The following FAM47E variants were observed in gnomAD, a reference collection of about 807,000 sequenced individuals.
FAM47E encodes the protein family with sequence similarity 47 member E, also known as protein FAM47E.
A neutral mutation model predicts 41.6 loss-of-function variants in FAM47E; 32 were observed. That is an observed-to-expected ratio of 0.77 (90% CI 0.58 to 1.03). The LOEUF (loss-of-function observed/expected upper bound fraction) is 1.03, where lower values mean the gene tolerates loss of function less well. Among genes scored for constraint, FAM47E ranks in the 50% least tolerant of loss-of-function variants. The pLI is 0.00. For missense variants in FAM47E, 424 were observed against 485.4 expected, an observed-to-expected ratio of 0.87 and a Z score of 1.19; for synonymous variants, 184 against 188.7, an observed-to-expected ratio of 0.98 and a Z score of 0.20.
upstream of FAM47E, chr4:76,251,706 A>G: frequency 6.9e-7 from 1 of 1,442,396 alleles, no homozygotes; most frequent in Admixed American, 2.7e-5. Context: ...GGGCACACAC[A>G]CCGCCCAAGC....
chr4:76,247,949 C>A (rs1733866015), upstream of FAM47E, among the ~76,000 whole-genome samples: 1 of 108,700 alleles, frequency 9.2e-6, no homozygotes, highest in African/African-American at 3.4e-5. Flanking sequence ...GAGTCTTGCT[C>A]TATCACCCAG....
rs1318158749 is a variant in FAM47E at position 76,283,680 on chromosome 4, G to A, written c.*222G>A. 4.7e-6 allele frequency: 2 copies of A among 427,632 alleles called. No individual in the cohort carries two copies. Among genetic ancestry groups the A allele is most frequent in the Non-Finnish European group, 8.5e-6 (2 of 235,548 alleles). 26.5% of individuals were successfully genotyped at this position (427,632 alleles called of 1,614,324 possible). On this transcript the variant is annotated 3_prime_UTR_variant, in exon 8 of 8. Coordinates refer to ENST00000424749, the MANE Select transcript of FAM47E (RefSeq NM_001136570.3). ...ATTTTGTATACTTTATCACCCATGA[G>A]ATCAATATTCACATGTAATCTTCTC...
At chr4:76,275,517 G>A (rs185004111) in intron 5 of FAM47E, among the ~76,000 whole-genome samples, 23 of 152,254 alleles carry the variant, frequency 1.5e-4, no homozygotes, top group Middle Eastern at 6.8e-3. Context: ...AAAAGTGCTG[G>A]GAACAAGTGA....
At chr4:76,236,745 C>A (rs1733593250) in intron 2 of FAM47E, 1 of 151,958 alleles carries the variant, frequency 6.6e-6, no homozygotes, top group Non-Finnish European at 1.5e-5. Flanking sequence ...TTCTGGTTGA[C>A]AATTGGTTGA....
chr4:76,247,757 T>G (rs1733858194), upstream of FAM47E, among the ~76,000 whole-genome samples: 1 of 152,118 alleles, frequency 6.6e-6, no homozygotes, highest in Admixed American at 6.5e-5. Context: ...TAGGGAAATA[T>G]CTATTCAAAT....
intron 2 of FAM47E, among the ~76,000 whole-genome samples, chr4:76,237,265 C>T (rs1407800575): frequency 1.3e-5 from 2 of 151,828 alleles, no homozygotes; most frequent in African/African-American, 4.8e-5. Flanking sequence ...GAGGTATGCC[C>T]AACCCCACTT....
chr4:76,223,833 G>T (rs781752663), intron 2 of FAM47E, among the ~76,000 whole-genome samples: 6 of 150,976 alleles, frequency 4.0e-5, no homozygotes, highest in Non-Finnish European at 8.8e-5. Flanking sequence ...AGTGTCCCTG[G>T]CCTGCTTTCC....
chr4:76,281,959 G>A (rs1374800489), intron 7 of FAM47E: 3 of 152,178 alleles, frequency 2.0e-5, no homozygotes, highest in African/African-American at 7.2e-5. Flanking sequence ...GTGAGGGCGG[G>A]GGTAGGTTAG....
chr4:76,240,517 A>G (rs886860982), intron 2 of FAM47E, among the ~76,000 whole-genome samples: 2 of 152,114 alleles, frequency 1.3e-5, no homozygotes, highest in East Asian at 3.8e-4. Flanking sequence ...AGGACTCCCC[A>G]TAAAGCCTGT....
intron 2 of FAM47E, among the ~76,000 whole-genome samples, chr4:76,225,597 GC>G (rs1733383411): frequency 6.6e-6 from 1 of 152,208 alleles, no homozygotes; most frequent in Non-Finnish European, 1.5e-5. Context: ...TAATCATAAA[GC>G]GATGCTGGAT....
chr4:76,245,010 C>G (rs1246447220), intron 2 of FAM47E, among the ~76,000 whole-genome samples: 1 of 152,144 alleles, frequency 6.6e-6, no homozygotes, highest in Non-Finnish European at 1.5e-5. Context: ...TCTATCTAGA[C>G]TATTGCTTCT....
rs557766898 is a variant in FAM47E at position 76,264,565 on chromosome 4, G to C, written c.560+722G>C. ...CATAAACGCAGTGATAAGTTTACTG[G>C]ACACAAATAGATTTGGGATACACAT... On this transcript the variant is annotated intron_variant, in intron 3 of 7. Coordinates refer to ENST00000424749, the MANE Select transcript of FAM47E (RefSeq NM_001136570.3). Among the ~76,000 whole-genome samples, 388 of 152,016 alleles carry C rather than the reference G, an allele frequency of 2.6e-3. 1 individual carries two copies. Among genetic ancestry groups the C allele is most frequent in the Non-Finnish European group, 3.6e-3 (247 of 67,970 alleles).
At chr4:76,257,909 C>T (rs914340017) in intron 2 of FAM47E, among the ~76,000 whole-genome samples, 1 of 151,834 alleles carries the variant, frequency 6.6e-6, no homozygotes, top group East Asian at 1.9e-4. Flanking sequence ...CTATGGCGGA[C>T]ACTCAATAAA....
At position 76,223,359 on chromosome 4, in the gene FAM47E, C is replaced by T. The variant is rs989340959; in HGVS notation, c.81+5671C>T. 5.5e-4 allele frequency among the ~76,000 whole-genome samples: 83 copies of T among 152,118 alleles called. 2 individuals carry two copies. Among genetic ancestry groups the T allele is most frequent in the Non-Finnish European group, 2.5e-4 (17 of 68,028 alleles). On this transcript the variant is annotated intron_variant, in intron 2 of 7. Transcript: ENST00000510197. ...GTAATCTGCATCCTGGGGAGTGGTACAGTAGCCCACCCCTTATTGGGTCCT... is the reference window on the plus strand; with the variant it reads ...GTAATCTGCATCCTGGGGAGTGGTATAGTAGCCCACCCCTTATTGGGTCCT...
intron 4 of FAM47E, among the ~76,000 whole-genome samples, chr4:76,270,949 C>T (rs558289967): frequency 1.3e-5 from 2 of 152,206 alleles, no homozygotes; most frequent in Non-Finnish European, 2.9e-5. Context: ...ATAAATTTTA[C>T]TCCAGCCACA....
chr4:76,215,411 G>C (rs909080195), intron 1 of FAM47E, among the ~76,000 whole-genome samples: 2 of 152,140 alleles, frequency 1.3e-5, no homozygotes, highest in African/African-American at 2.4e-5. Flanking sequence ...GCTGCATCCC[G>C]ATCTGTCACT....
At chr4:76,274,543 T>C (rs1735020035) in intron 5 of FAM47E, among the ~76,000 whole-genome samples, 1 of 152,318 alleles carries the variant, frequency 6.6e-6, no homozygotes, top group Non-Finnish European at 1.5e-5. Flanking sequence ...ATTGTGCCAC[T>C]GTACTCCAGT....
chr4:76,235,777 A>G (rs1733576960), intron 2 of FAM47E, among the ~76,000 whole-genome samples: 1 of 152,238 alleles, frequency 6.6e-6, no homozygotes, highest in East Asian at 1.9e-4. Flanking sequence ...AATCCTCTGC[A>G]TTGTAACGCT....
chr4:76,240,804 C>T (rs1164601130), intron 2 of FAM47E, among the ~76,000 whole-genome samples: 1 of 152,068 alleles, frequency 6.6e-6, no homozygotes. Context: ...GTTCATACAT[C>T]ATTTTCTTGA....
Sources: gnomAD v4.1 joint callset for allele counts (sites outside exome capture counted in the v4.1 genomes callset) on GRCh38, gnomAD v4.1.1 for gene constraint, MANE v1.5 for transcripts, NCBI Gene and HGNC (gene_info 2026-07-23, HGNC 2026-07-21) for gene names.